The following LIPA variants were observed in gnomAD, a reference collection of about 807,000 sequenced individuals.
LIPA encodes the protein lipase A, lysosomal acid type.
A neutral mutation model predicts 40.6 loss-of-function variants in LIPA; 26 were observed. That is an observed-to-expected ratio of 0.64 (90% CI 0.47 to 0.89). The LOEUF is 0.89. LIPA is among the 40% of genes least tolerant of loss of function. The probability of loss-of-function intolerance (pLI) is 0.00; values close to 1 mark genes in which losing one functional copy is unlikely to be tolerated. For synonymous variants in LIPA, 188 were observed against 168.4 expected, an observed-to-expected ratio of 1.12 and a Z score of -0.90; for missense variants, 455 against 479.6, an observed-to-expected ratio of 0.95 and a Z score of 0.48.
intron 2 of LIPA, among the ~76,000 whole-genome samples, chr10:89,354,635 T>C (rs145199288): frequency 6.6e-6 from 1 of 152,330 alleles, no homozygotes; most frequent in African/African-American, 2.4e-5. Context: ...TGGTGCAATC[T>C]CGGCTCAATG....
chr10:89,344,652 A>G (rs1200570982), upstream of LIPA, among the ~76,000 whole-genome samples: 1 of 152,174 alleles, frequency 6.6e-6, no homozygotes, highest in East Asian at 1.9e-4. Context: ...TTTCATTTTA[A>G]GCAATTCTGG....
chr10:89,384,544 A>G (rs1401211213), intron 2 of LIPA: 1 of 1,614,184 alleles, frequency 6.2e-7, no homozygotes, highest in Admixed American at 1.7e-5. Flanking sequence ...AATAGAAAAA[A>G]TGTCCCATTC....
chr10:89,355,062 G>T (rs980949714), intron 2 of LIPA, among the ~76,000 whole-genome samples: 2 of 152,190 alleles, frequency 1.3e-5, no homozygotes, highest in African/African-American at 4.8e-5. Flanking sequence ...AACCTGAAAA[G>T]ATGTGTCAAA....
At chr10:89,221,404 A>G (rs75992148) in intron 8 of LIPA, among the ~76,000 whole-genome samples, 114 of 152,266 alleles carry the variant, frequency 7.5e-4, no homozygotes, top group African/African-American at 2.7e-3. Flanking sequence ...TCTAGTCCAA[A>G]TGATTGGGAC....
intron 2 of LIPA, chr10:89,362,970 C>T (rs907435801): frequency 7.5e-6 from 2 of 265,320 alleles, no homozygotes; most frequent in Non-Finnish European, 1.5e-5. Flanking sequence ...TAAGGTTATC[C>T]TTGCCCTGAA....
intron 2 of LIPA, among the ~76,000 whole-genome samples, chr10:89,376,770 C>A (rs2133600139): frequency 6.6e-6 from 1 of 152,342 alleles, no homozygotes; most frequent in East Asian, 1.9e-4. Context: ...TTTTTCCAGA[C>A]ACAATTTAAG....
intron 1 of LIPA, chr10:89,338,590 T>C: frequency 1.4e-6 from 2 of 1,416,304 alleles, no homozygotes; most frequent in South Asian, 1.3e-5. Context: ...AATTGACATA[T>C]AAAATTAATG....
chr10:89,392,573 T>C, intron 2 of LIPA: 3 of 631,690 alleles, frequency 4.7e-6, no homozygotes, highest in African/African-American at 1.9e-5. Flanking sequence ...GCTTACACCA[T>C]TGGCTGCTGT....
intron 3 of LIPA, among the ~76,000 whole-genome samples, chr10:89,243,644 GTGTAGCACCAAGGTCCCA>G (rs1842989887): frequency 6.6e-6 from 1 of 151,960 alleles, no homozygotes; most frequent in Non-Finnish European, 1.5e-5. Flanking sequence ...GCAAACCCAG[GTGTAGCACCAAGGTCCCA>G]TAAGTCTCCT....
At chr10:89,225,259 TC>T in intron 5 of LIPA, 31 bp from the exon 6 acceptor site, 1 of 1,613,644 alleles carries the variant, frequency 6.2e-7, no homozygotes, top group Non-Finnish European at 8.5e-7. Flanking sequence ...AAACAGGAAT[TC>T]CATCATCTGG....
intron 2 of LIPA, among the ~76,000 whole-genome samples, chr10:89,381,913 G>A (rs915787374): frequency 6.6e-6 from 1 of 152,080 alleles, no homozygotes; most frequent in African/African-American, 2.4e-5. Flanking sequence ...AGCCTCCAGA[G>A]TAGCTGGGAC....
intron 2 of LIPA, among the ~76,000 whole-genome samples, chr10:89,364,254 G>A (rs1035620033): frequency 6.6e-6 from 1 of 152,136 alleles, no homozygotes; most frequent in Non-Finnish European, 1.5e-5. Flanking sequence ...TATGTCTTGT[G>A]TTAGGTACCT....
chr10:89,302,166 G>C (rs1315600526), intron 1 of LIPA: 1 of 1,611,236 alleles, frequency 6.2e-7, no homozygotes, highest in Non-Finnish European at 8.5e-7. Flanking sequence ...GTGCTGTTGA[G>C]TCATCTTGTC....
chr10:89,346,725 C>T (rs73367441), upstream of LIPA, among the ~76,000 whole-genome samples: 8,436 of 152,204 alleles, frequency 0.055, 648 homozygotes, highest in African/African-American at 0.17. Context: ...TGGAACATAC[C>T]AGCAACAAAA....
upstream of LIPA, among the ~76,000 whole-genome samples, chr10:89,255,727 C>T (rs1318538318): frequency 6.6e-6 from 1 of 152,164 alleles, no homozygotes; most frequent in Non-Finnish European, 1.5e-5. Flanking sequence ...AATGGACAAA[C>T]TACCAGGAAG....
chr10:89,403,097 A>G (rs1425769691), intron 2 of LIPA: 1 of 1,613,924 alleles, frequency 6.2e-7, no homozygotes, highest in Non-Finnish European at 8.5e-7. Flanking sequence ...TTGAGTTATT[A>G]AAAAAGGCCT....
intron 1 of LIPA, among the ~76,000 whole-genome samples, chr10:89,262,408 GTC>G (rs967968707): frequency 6.6e-5 from 10 of 152,190 alleles, no homozygotes; most frequent in Admixed American, 3.3e-4. Flanking sequence ...ACTTGTTGGA[GTC>G]TCTCTTTTCT....
intron 2 of LIPA, among the ~76,000 whole-genome samples, chr10:89,379,360 G>A (rs917701011): frequency 4.6e-5 from 7 of 152,140 alleles, no homozygotes; most frequent in Non-Finnish European, 7.4e-5. Context: ...TGTGTTATAA[G>A]TTTTCCAGGT....
chr10:89,373,882 A>C (rs1045807473), intron 2 of LIPA, among the ~76,000 whole-genome samples: 6 of 152,236 alleles, frequency 3.9e-5, no homozygotes, highest in Admixed American at 2.6e-4. Flanking sequence ...CCACTGTAAC[A>C]GACCATATCC....
Sources: allele counts gnomAD v4.1 joint callset (sites outside exome capture counted in the v4.1 genomes callset), GRCh38; gene constraint gnomAD v4.1.1; transcripts MANE v1.5; gene names NCBI Gene and HGNC (gene_info 2026-07-23, HGNC 2026-07-21).